Variants in PDCD6IP observed in about 807,000 individuals in gnomAD.
PDCD6IP encodes programmed cell death 6 interacting protein, also known as programmed cell death 6-interacting protein.
Under a neutral mutation model 103.7 loss-of-function variants are expected in PDCD6IP, and 43 were observed. The ratio of observed to expected loss-of-function variants is 0.41; its 90% CI spans 0.32 to 0.53. The LOEUF (loss-of-function observed/expected upper bound fraction) is 0.53. Among genes scored for constraint, PDCD6IP ranks in the 20% least tolerant of loss-of-function variants. The pLI is 0.16. For synonymous variants in PDCD6IP, 354 were observed against 378.7 expected, an observed-to-expected ratio of 0.93 and a Z score of 0.76; for missense variants, 871 against 1,036.7, an observed-to-expected ratio of 0.84 and a Z score of 2.20.
chr3:33,826,525 C>G lies in PDCD6IP; in HGVS notation c.662C>G (p.Ala221Gly). The change falls in exon 6 of 18, where the codon GCA (alanine) becomes GGA (glycine). Residue 221 changes from alanine (A) to glycine (G), a missense_variant. By Grantham distance (60) the Ala-to-Gly change is moderately conservative. Around this residue, in one of 5 missense-constraint regions of PDCD6IP, gnomAD observed 242 missense variants for 250.7 expected, o/e 0.97. Coordinates refer to ENST00000307296, the MANE Select transcript of PDCD6IP (RefSeq NM_013374.6). ...ATAGCTAAATTGGCTAATCAGGCTG[C>G]AGATTATTTTGGTGATGCTTTCAAA... ...AIIAKLANQA[A>G]DYFGDAFKQC... is the part of the protein sequence containing the mutation. 1.9e-6 allele frequency: 3 copies of G among 1,612,288 alleles called. No homozygotes were observed. Among genetic ancestry groups the G allele is most frequent in the Non-Finnish European group, 2.5e-6 (3 of 1,178,968 alleles).
chr3:33,830,925 A>G (rs572679989), intron 7 of PDCD6IP, among the ~76,000 whole-genome samples: 36 of 152,346 alleles, frequency 2.4e-4, no homozygotes, highest in African/African-American at 7.9e-4. Context: ...AGGTCACACT[A>G]TTAAACCAAC....
chr3:33,821,897 C>G, intron 3 of PDCD6IP, 58 bp from the exon 4 acceptor site: 1 of 1,515,682 alleles, frequency 6.6e-7, no homozygotes, highest in Non-Finnish European at 9.0e-7. Flanking sequence ...CTCTTTGAAA[C>G]ATTTGTTTTC....
chr3:33,814,893 T>C (rs1696811426), intron 3 of PDCD6IP, among the ~76,000 whole-genome samples: 1 of 146,154 alleles, frequency 6.8e-6, no homozygotes, highest in Non-Finnish European at 1.5e-5. Context: ...TATATTCATG[T>C]ACACATATAC....
rs370933435 is a variant in PDCD6IP, at chr3:33,866,333, T to A, written c.2433-18T>A. ...TATTTGATTTACCAATCAAGATTTT[T>A]CTGTTTTCTTCTATCAGGTATTGCC... On this transcript the variant is annotated intron_variant, in intron 17 of 17. Transcript: ENST00000307296. 2.8e-6 allele frequency: 4 copies of A among 1,424,096 alleles called. No homozygotes were observed. The highest frequency in any genetic ancestry group is 3.7e-6 in the Non-Finnish European group (4 of 1,071,640). The allele number at this position is 1,424,096 out of a possible 1,614,324, so 88.2% of individuals were successfully genotyped here.
rs747327500 is a variant in PDCD6IP, at chr3:33,845,438, A to G, written c.1491A>G (p.Thr497=). ...TCCCAGAGGGAACCAACTTCAGAAC[A>G]GTTTTAGATAAAGCTGTGCAGGCAG... The part of the protein sequence containing the change: ...PLRAEGTNFR[T]VLDKAVQADG... Residue 497 remains threonine (T), a synonymous_variant, in exon 12 of 18, where the codon ACA becomes ACG. Transcript: ENST00000307296. The G allele has an allele frequency of 1.2e-6, 2 of 1,613,084 alleles. No individual in the cohort carries two copies. Among genetic ancestry groups the G allele is most frequent in the Admixed American group, 1.7e-5 (1 of 59,842 alleles).
At chr3:33,824,094 T>G (rs1697056578) in intron 4 of PDCD6IP, among the ~76,000 whole-genome samples, 1 of 152,178 alleles carries the variant, frequency 6.6e-6, no homozygotes, top group African/African-American at 2.4e-5. Flanking sequence ...ACTTTGCTGT[T>G]GTAGACTTTG....
At chr3:33,798,975 GC>G in intron 1 of PDCD6IP, 38 bp downstream of exon 1, 18 of 1,450,332 alleles carry the variant, frequency 1.2e-5, no homozygotes, top group Non-Finnish European at 1.5e-5. Context: ...TTGTCTGCCA[GC>G]CGTCGCTCGC....
chr3:33,845,631 A>C, intron 12 of PDCD6IP, 43 bp downstream of exon 12: 1 of 1,458,418 alleles, frequency 6.9e-7, no homozygotes, highest in Non-Finnish European at 9.3e-7. Context: ...TGCTTAAGAA[A>C]ACCACATTCA....
chr3:33,860,699 G>T (rs891292049), intron 15 of PDCD6IP, among the ~76,000 whole-genome samples: 5 of 152,138 alleles, frequency 3.3e-5, no homozygotes, highest in African/African-American at 4.8e-5. Context: ...AGATTCATCA[G>T]TATAGTTGTG....
intron 1 of PDCD6IP, among the ~76,000 whole-genome samples, chr3:33,805,669 C>A (rs1240954432): frequency 6.6e-6 from 1 of 150,574 alleles, no homozygotes; most frequent in Admixed American, 6.6e-5. Context: ...GTCCTCCTGT[C>A]TTGGCCTCCC....
intron 9 of PDCD6IP, among the ~76,000 whole-genome samples, chr3:33,839,895 A>AG (rs1697431790): frequency 6.6e-6 from 1 of 152,106 alleles, no homozygotes; most frequent in Admixed American, 6.5e-5. Flanking sequence ...CCATTCATAT[A>AG]TTTTCTGTAA....
At chr3:33,818,513 C>CTTTTTT (rs61405380) in intron 3 of PDCD6IP, among the ~76,000 whole-genome samples, 149 of 89,272 alleles carry the variant, frequency 1.7e-3, no homozygotes, top group Non-Finnish European at 2.1e-3. Context: ...TGATCCCTTG[C>CTTTTTT]TTTTTTTTTT....
At position 33,798,890 on chromosome 3, in the gene PDCD6IP, C is replaced by G. The variant is rs774055965; in HGVS notation, c.162C>G (p.Val54=). 5 of 1,547,664 alleles carry G rather than the reference C, an allele frequency of 3.2e-6. No individual in the cohort carries two copies. The highest frequency in any genetic ancestry group is 3.9e-5 in the Admixed American group (2 of 50,978). ...TCAGCAAGCTGCGCCGCGCCGCAGT[C>G]GGTCGTCCGCTGGACAAGCACGAGG... ...EELSKLRRAA[V]GRPLDKHEGA... The change falls in exon 1 of 18, where the codon GTC becomes GTG. Residue 54 remains valine (V), a synonymous_variant. Transcript: ENST00000307296.
rs750157711 is a variant in PDCD6IP at position 33,813,679 on chromosome 3, A to G, written c.334+51A>G. On this transcript the variant is annotated intron_variant, in intron 3 of 17. Coordinates refer to ENST00000307296, the MANE Select transcript of PDCD6IP (RefSeq NM_013374.6). ...AGGAAAATTGGTCTAACTACTTTGC[A>G]TTGTTTTTAGTTTTTAAAATTGTTA... 2.2e-5 allele frequency: 23 copies of G among 1,038,850 alleles called. No homozygotes were observed. In the East Asian group the frequency reaches 3.3e-4, roughly 15 times the overall value. 64.4% of individuals were successfully genotyped at this position (1,038,850 alleles called of 1,614,324 possible). A position where few individuals can be genotyped will look rare whatever the true frequency, so the allele number is the denominator to read the frequency against.
intron 4 of PDCD6IP, among the ~76,000 whole-genome samples, chr3:33,823,510 G>T (rs537150924): frequency 6.6e-6 from 1 of 152,302 alleles, no homozygotes; most frequent in African/African-American, 2.4e-5. Context: ...CGAGCTGGGC[G>T]TGGTGGCTCA....
chr3:33,837,590 A>AT (rs1329273725), intron 8 of PDCD6IP, among the ~76,000 whole-genome samples: 8,867 of 141,488 alleles, frequency 0.063, 780 homozygotes, highest in African/African-American at 0.2. Flanking sequence ...CACTCAGTCA[A>AT]TTTTTTTTTT....
At position 33,868,634 on chromosome 3, in the gene PDCD6IP, C is replaced by T. The variant is rs1357135238; in HGVS notation, c.*2109C>T. On this transcript the variant is annotated 3_prime_UTR_variant, in exon 18 of 18. Coordinates refer to ENST00000307296, the MANE Select transcript of PDCD6IP (RefSeq NM_013374.6). ...GCACAGACAATCACAATAAATGCAG[C>T]CCTTTATTACTGTTAAGGATCATAC... 1 of 152,172 alleles carries T rather than the reference C, an allele frequency of 6.6e-6. No individual in the cohort carries two copies. The allele number at this position is 152,172 out of a possible 1,614,324, so 9.4% of individuals were successfully genotyped here. A position where few individuals can be genotyped will look rare whatever the true frequency, so the allele number is the denominator to read the frequency against.
rs1698084642 is a variant in PDCD6IP, at chr3:33,867,174, A to G, written c.*649A>G. The G allele has an allele frequency of 6.6e-6, 1 of 152,186 alleles. No homozygotes were observed. The highest frequency in any genetic ancestry group is 6.5e-5 in the Admixed American group (1 of 15,280). The allele number at this position is 152,186 out of a possible 1,614,324, so 9.4% of individuals were successfully genotyped here. A position where few individuals can be genotyped will look rare whatever the true frequency, so the allele number is the denominator to read the frequency against. On this transcript the variant is annotated 3_prime_UTR_variant, in exon 18 of 18. Coordinates refer to ENST00000307296, the MANE Select transcript of PDCD6IP (RefSeq NM_013374.6). ...ACAGGGAAATCAAAAGAATATTATC[A>G]TACTTTATCTTTCGTATGCTGATTA...
chr3:33,834,514 G>A (rs1261144696), intron 7 of PDCD6IP, among the ~76,000 whole-genome samples: 1 of 151,966 alleles, frequency 6.6e-6, no homozygotes, highest in African/African-American at 2.4e-5. Context: ...GTTTTGTTTT[G>A]GTTATCTTTC....
Sources: allele counts gnomAD v4.1 joint callset (sites outside exome capture counted in the v4.1 genomes callset), GRCh38; gene constraint gnomAD v4.1.1; regional missense constraint gnomAD v4.1.1; transcripts MANE v1.5; gene names NCBI Gene and HGNC (gene_info 2026-07-23, HGNC 2026-07-21).